MEGF11: variants seen among roughly 807,000 people sequenced by gnomAD.
MEGF11 encodes multiple EGF like domains 11, also known as multiple epidermal growth factor-like domains protein 11.
MEGF11 carries 126 observed loss-of-function variants against 146.6 expected under a neutral mutation model. That is an observed-to-expected ratio of 0.86 (90% CI 0.74 to 1.00). The LOEUF is 1.00. MEGF11 is among the 50% of genes least tolerant of loss of function. The pLI is 0.00. For synonymous variants in MEGF11, 532 were observed against 583.4 expected (o/e 0.91, Z 1.27); for missense variants, 1,509 against 1,521.2 (o/e 0.99, Z 0.13).
intron 15 of MEGF11, among the ~76,000 whole-genome samples, chr15:65,918,440 G>C (rs1382446122): frequency 6.6e-6 from 1 of 152,236 alleles, no homozygotes; most frequent in East Asian, 1.9e-4. Flanking sequence ...AGTGCTCCCT[G>C]TACTGTTCCA....
intron 1 of MEGF11, among the ~76,000 whole-genome samples, chr15:66,190,037 G>T (rs2090828238): frequency 6.6e-6 from 1 of 152,112 alleles, no homozygotes; most frequent in Non-Finnish European, 1.5e-5. Flanking sequence ...TCTCAAATGG[G>T]CTGCATACTG....
chr15:66,111,210 G>T (rs78594314), intron 4 of MEGF11, among the ~76,000 whole-genome samples: 1 of 152,058 alleles, frequency 6.6e-6, no homozygotes, highest in Admixed American at 6.5e-5. Context: ...TGAAAGCGCC[G>T]GCTAAACCAC....
chr15:65,916,131 G>C lies in MEGF11; in HGVS notation c.2344+17C>G. On this transcript the variant is annotated intron_variant, in intron 18 of 25. Coordinates refer to ENST00000395614, the MANE Select transcript of MEGF11 (RefSeq NM_001385028.1). Reference sequence around the variant, plus strand: ...GCCCAGCAGCATCACCCAGGATCAGGGGTCAGGGCAGCTTACTCTGCTCAC... The same window carrying C: ...GCCCAGCAGCATCACCCAGGATCAGCGGTCAGGGCAGCTTACTCTGCTCAC... 1 of 1,572,690 alleles carries C rather than the reference G, an allele frequency of 6.4e-7. No homozygotes were observed. Among genetic ancestry groups the C allele is most frequent in the Non-Finnish European group, 8.7e-7 (1 of 1,155,220 alleles).
intron 9 of MEGF11, among the ~76,000 whole-genome samples, chr15:65,962,387 G>A (rs1300776362): frequency 6.6e-6 from 1 of 152,150 alleles, no homozygotes; most frequent in East Asian, 1.9e-4. Context: ...CTGATTGTCA[G>A]AACTTGGGCA....
intron 5 of MEGF11, among the ~76,000 whole-genome samples, chr15:66,001,169 T>C (rs1194861097): frequency 6.6e-6 from 1 of 152,096 alleles, no homozygotes; most frequent in Non-Finnish European, 1.5e-5. Context: ...TAAGTGCATG[T>C]TGGAGAGGCT....
chr15:66,204,217 C>T (rs1031391951), intron 1 of MEGF11, among the ~76,000 whole-genome samples: 2 of 152,062 alleles, frequency 1.3e-5, no homozygotes, highest in African/African-American at 2.4e-5. Context: ...ACCTGGGCAA[C>T]ATGGTGAAAC....
At chr15:65,986,061 C>T (rs1253752076) in intron 5 of MEGF11, among the ~76,000 whole-genome samples, 10 of 151,894 alleles carry the variant, frequency 6.6e-5, no homozygotes, top group African/African-American at 2.4e-4. Flanking sequence ...AAGCGATTCT[C>T]CTGCCTCAGC....
At chr15:66,213,027 G>A (rs1036286070) in intron 1 of MEGF11, among the ~76,000 whole-genome samples, 3 of 152,152 alleles carry the variant, frequency 2.0e-5, no homozygotes, top group Non-Finnish European at 4.4e-5. Context: ...TGGTGATATC[G>A]GGAAATTGTG....
At chr15:65,978,676 C>T (rs912123289) in intron 7 of MEGF11, among the ~76,000 whole-genome samples, 8 of 152,308 alleles carry the variant, frequency 5.3e-5, no homozygotes, top group African/African-American at 1.9e-4. Flanking sequence ...AGGACCCAGC[C>T]TGCTGGGTGG....
intron 4 of MEGF11, among the ~76,000 whole-genome samples, chr15:66,105,627 T>C (rs139533436): frequency 2.6e-5 from 4 of 152,356 alleles, no homozygotes; most frequent in Non-Finnish European, 1.5e-5. Flanking sequence ...TTTTATGTAA[T>C]AGAGATACTA....
At chr15:66,228,453 G>T (rs2091897547) in intron 1 of MEGF11, among the ~76,000 whole-genome samples, 1 of 152,134 alleles carries the variant, frequency 6.6e-6, no homozygotes, top group African/African-American at 2.4e-5. Context: ...GGCAGCTGGG[G>T]AGAGGGGGTG....
chr15:66,053,714 A>ATTTTTTTTT lies in MEGF11; in HGVS notation c.394+40687_394+40688insAAAAAAAAA, dbSNP rs2084549697. On this transcript the variant is annotated intron_variant, in intron 5 of 25. Coordinates refer to ENST00000395614, the MANE Select transcript of MEGF11 (RefSeq NM_001385028.1). ...ACTCAGCTCCCCCTCCCCTGGCACC[A>ATTTTTTTTT]ATTTTTTTTTTTTTTTTTTTTTTTT... Among the ~76,000 whole-genome samples the ATTTTTTTTT allele has an allele frequency of 7.1e-5, 3 of 42,268 alleles. 1 individual carries two copies. The highest frequency in any genetic ancestry group is 4.3e-4 in the Admixed American group (1 of 2,340). The allele number at this position is 42,268 out of a possible 152,430, so 27.7% of individuals were successfully genotyped here.
At chr15:66,195,015 GA>G (rs138826415) in intron 1 of MEGF11, among the ~76,000 whole-genome samples, 10 of 146,728 alleles carry the variant, frequency 6.8e-5, no homozygotes, top group Admixed American at 5.5e-4. Flanking sequence ...CATTGTCCTT[GA>G]AAAAAAAAAC....
intron 4 of MEGF11, among the ~76,000 whole-genome samples, chr15:66,113,294 T>C (rs1416490417): frequency 6.6e-6 from 1 of 152,140 alleles, no homozygotes; most frequent in African/African-American, 2.4e-5. Context: ...GCTGCATACG[T>C]GCCTGGAGTT....
intron 24 of MEGF11, among the ~76,000 whole-genome samples, chr15:65,900,589 CTG>C (rs1264865278): frequency 2.0e-5 from 3 of 152,222 alleles, no homozygotes; most frequent in Non-Finnish European, 2.9e-5. Context: ...ACACAACACT[CTG>C]TGGTATAGGT....
rs958126083 is a variant in MEGF11, at chr15:65,895,321, T to G, written c.*2613A>C. ...AAATTAGTTTGAGAAATTTGTTTTATTTTGTACAAGGTACAATCCCTCTGC... is the reference window on the plus strand; with the variant it reads ...AAATTAGTTTGAGAAATTTGTTTTAGTTTGTACAAGGTACAATCCCTCTGC... On this transcript the variant is annotated 3_prime_UTR_variant, in exon 26 of 26. Coordinates refer to ENST00000395614, the MANE Select transcript of MEGF11 (RefSeq NM_001385028.1). 1.3e-5 allele frequency: 2 copies of G among 152,680 alleles called. No individual in the cohort carries two copies. The highest frequency in any genetic ancestry group is 2.9e-5 in the Non-Finnish European group (2 of 68,040). The allele number at this position is 152,680 out of a possible 1,614,324, so 9.5% of individuals were successfully genotyped here. A position where few individuals can be genotyped will look rare whatever the true frequency, so the allele number is the denominator to read the frequency against.
chr15:66,200,964 T>G (rs2091143195), intron 1 of MEGF11, among the ~76,000 whole-genome samples: 1 of 151,856 alleles, frequency 6.6e-6, no homozygotes, highest in African/African-American at 2.4e-5. Context: ...ACAGAAGTAT[T>G]CAGACACGAG....
At chr15:66,232,191 G>A (rs1255319468) in intron 1 of MEGF11, among the ~76,000 whole-genome samples, 1 of 152,230 alleles carries the variant, frequency 6.6e-6, no homozygotes, top group African/African-American at 2.4e-5. Context: ...AAGAGTCAAA[G>A]GTGGCCCTGG....
rs898092082 is a variant in MEGF11, at chr15:65,896,674, A to G, written c.*1260T>C. 6.6e-6 allele frequency: 1 copy of G among 152,310 alleles called. No homozygotes were observed. The highest frequency in any genetic ancestry group is 2.4e-5 in the African/African-American group (1 of 41,430). 9.4% of individuals were successfully genotyped at this position (152,310 alleles called of 1,614,324 possible). A position where few individuals can be genotyped will look rare whatever the true frequency, so the allele number is the denominator to read the frequency against. ...TCTGAGCCTCAGTTTATCTGTGTTC[A>G]TAGTGGAAGGTATAGACACATCTGA... On this transcript the variant is annotated 3_prime_UTR_variant, in exon 26 of 26. Coordinates refer to ENST00000395614, the MANE Select transcript of MEGF11 (RefSeq NM_001385028.1).
Sources: gnomAD v4.1 joint callset for allele counts (sites outside exome capture counted in the v4.1 genomes callset) on GRCh38, gnomAD v4.1.1 for gene constraint, MANE v1.5 for transcripts, NCBI Gene and HGNC (gene_info 2026-07-23, HGNC 2026-07-21) for gene names.